FLACC1: variants seen among roughly 807,000 people sequenced by gnomAD.
FLACC1 encodes flagellum-associated coiled-coil domain-containing protein 1.
A neutral mutation model predicts 62.8 loss-of-function variants in FLACC1; 66 were observed. The observed-to-expected ratio is 1.05, with a 90% CI of 0.86 to 1.29. The LOEUF (loss-of-function observed/expected upper bound fraction) is 1.29, where lower values mean the gene tolerates loss of function less well. Ranked by LOEUF, FLACC1 falls within the 50% of genes most tolerant of loss-of-function variation. The pLI is 0.00. For synonymous variants in FLACC1, 156 were observed against 161.0 expected (o/e 0.97, Z 0.24); for missense variants, 452 against 489.1 (o/e 0.92, Z 0.71).
chr2:201,316,951 C>T (rs1442368000), intron 9 of FLACC1, among the ~76,000 whole-genome samples: 1 of 152,092 alleles, frequency 6.6e-6, no homozygotes, highest in Non-Finnish European at 1.5e-5. Context: ...ATAAAAATCA[C>T]ATGATCATTT....
chr2:201,289,785 C>A lies in FLACC1; in HGVS notation c.943G>T (p.Val315Phe). 1.2e-6 allele frequency: 2 copies of A among 1,614,132 alleles called. No individual in the cohort carries two copies. Among genetic ancestry groups the A allele is most frequent in the Non-Finnish European group, 1.7e-6 (2 of 1,180,002 alleles). The stretch of plus-strand genomic sequence containing the variant: ...TGTGCATGCAATTCTTCCTGCATGA[C>A]CTGCATAAGAAGAAGCTGTTGCAGG... Reference protein sequence around the residue: ...QLEELRKTKEVMQEELHAQAL... With the variant: ...QLEELRKTKEFMQEELHAQAL... The change falls in exon 13 of 15, where the codon GTC (valine) becomes TTC (phenylalanine). Residue 315 changes from valine (V) to phenylalanine (F), a missense_variant and splice_region_variant. Val to Phe is a conservative substitution (Grantham distance 50). This residue lies in a region of FLACC1 where 301 missense variants were observed against 318.4 expected (regional missense o/e 0.95). Coordinates refer to ENST00000392257, the MANE Select transcript of FLACC1 (RefSeq NM_001127391.3).
chr2:201,330,266 C>T (rs2125592601), intron 9 of FLACC1, among the ~76,000 whole-genome samples: 1 of 152,266 alleles, frequency 6.6e-6, no homozygotes. Context: ...CAGTAGTGCT[C>T]TTCAGGATTT....
In FLACC1 at chr2:201,288,279, ACACATC is replaced by A. The variant is rs1157543056; in HGVS notation, c.*370_*375del. ...AGAAAAATATTTTAGAGTAAAATCAACACATCATCTTTTTTTGCTACCTAAATGCCC... is the reference window on the plus strand; with the variant it reads ...AGAAAAATATTTTAGAGTAAAATCAAATCTTTTTTTGCTACCTAAATGCCC... On this transcript the variant is annotated 3_prime_UTR_variant, in exon 15 of 15. Coordinates refer to ENST00000392257, the MANE Select transcript of FLACC1 (RefSeq NM_001127391.3). 15 of 166,010 alleles carry A rather than the reference ACACATC, an allele frequency of 9.0e-5. No individual in the cohort carries two copies. Among genetic ancestry groups the A allele is most frequent in the Non-Finnish European group, 1.7e-4 (13 of 76,870 alleles). The allele number at this position is 166,010 out of a possible 1,614,324, so 10.3% of individuals were successfully genotyped here.
At chr2:201,352,000 T>C (rs997225883) in intron 1 of FLACC1, 2 of 152,230 alleles carry the variant, frequency 1.3e-5, no homozygotes, top group African/African-American at 4.8e-5. Flanking sequence ...TAAAATAAAA[T>C]TTGCCATAGC....
chr2:201,335,434 GCTAT>G (rs1449483846), intron 7 of FLACC1, among the ~76,000 whole-genome samples: 2 of 152,022 alleles, frequency 1.3e-5, no homozygotes, highest in Non-Finnish European at 2.9e-5. Context: ...TATTGAAAAG[GCTAT>G]CTTTTTTCCC....
At chr2:201,360,946 T>C (rs1256753767), upstream of FLACC1, among the ~76,000 whole-genome samples, 1 of 152,028 alleles carries the variant, frequency 6.6e-6, no homozygotes, top group Non-Finnish European at 1.5e-5. Context: ...GGTGTGGTGG[T>C]GCATGCTTGT....
intron 11 of FLACC1, among the ~76,000 whole-genome samples, chr2:201,300,413 C>T (rs939905212): frequency 6.6e-6 from 1 of 152,182 alleles, no homozygotes; most frequent in African/African-American, 2.4e-5. Flanking sequence ...AGTAGGTAAA[C>T]AAAGCGGCTG....
chr2:201,337,805 G>A (rs1329275429), intron 7 of FLACC1, among the ~76,000 whole-genome samples: 2 of 152,212 alleles, frequency 1.3e-5, no homozygotes, highest in African/African-American at 4.8e-5. Flanking sequence ...TTACAGGTGT[G>A]AGTCACCATG....
chr2:201,347,255 T>A (rs1950934375), intron 4 of FLACC1, among the ~76,000 whole-genome samples: 2 of 152,252 alleles, frequency 1.3e-5, no homozygotes, highest in African/African-American at 4.8e-5. Flanking sequence ...AGGGCAAGGC[T>A]GGGGCTCTGA....
intron 11 of FLACC1, among the ~76,000 whole-genome samples, chr2:201,301,059 C>A (rs1239110160): frequency 1.3e-5 from 2 of 152,142 alleles, no homozygotes; most frequent in African/African-American, 4.8e-5. Flanking sequence ...AGCAATGGAA[C>A]AAAGCTGGAC....
At position 201,294,532 on chromosome 2, in the gene FLACC1, A is replaced by C. The variant is rs113763334; in HGVS notation, c.942+4706T>G. On this transcript the variant is annotated intron_variant, in intron 12 of 14. Coordinates refer to ENST00000392257, the MANE Select transcript of FLACC1 (RefSeq NM_001127391.3). ...TGGTGGGACGAATCTCAAAATAATA[A>C]GAGCTATCTATGACAAACCCACAGC... 2.4e-3 allele frequency among the ~76,000 whole-genome samples: 359 copies of C among 152,360 alleles called. 1 individual carries two copies. Among genetic ancestry groups the C allele is most frequent in the African/African-American group, 8.1e-3 (336 of 41,584 alleles).
intron 4 of FLACC1, among the ~76,000 whole-genome samples, chr2:201,347,864 C>T (rs190652663): frequency 2.2e-3 from 331 of 152,312 alleles, no homozygotes; most frequent in Non-Finnish European, 3.9e-3. Flanking sequence ...CAGTGCCCTC[C>T]CGCCCCTGCT....
Position 201,326,791 on chromosome 2 carries a change from CA to C in FLACC1, c.675+3678del, listed in dbSNP as rs1481167637. On this transcript the variant is annotated intron_variant, in intron 9 of 14. Coordinates refer to ENST00000392257, the MANE Select transcript of FLACC1 (RefSeq NM_001127391.3). This position sits in a 1 kb window ranked among gnomAD's most constrained non-coding sequence, Gnocchi z 4.1. Reference sequence around the variant, plus strand: ...TCCAGTGCAATTCCCATCAAAATATCAACATTATTTTTCACAGAATTAGAAA... The same window carrying C: ...TCCAGTGCAATTCCCATCAAAATATCACATTATTTTTCACAGAATTAGAAA... Among the ~76,000 whole-genome samples, 1 of 152,094 alleles carries C rather than the reference CA, an allele frequency of 6.6e-6. No individual in the cohort carries two copies. The highest frequency in any genetic ancestry group is 6.6e-5 in the Admixed American group (1 of 15,262).
intron 12 of FLACC1, among the ~76,000 whole-genome samples, chr2:201,294,775 A>G (rs574870200): frequency 6.6e-6 from 1 of 152,308 alleles, no homozygotes; most frequent in South Asian, 2.1e-4. Context: ...AGAAAACCCC[A>G]TCATCTCTGC....
At chr2:201,304,486 C>T (rs572177993) in intron 11 of FLACC1, among the ~76,000 whole-genome samples, 6 of 152,184 alleles carry the variant, frequency 3.9e-5, no homozygotes, top group African/African-American at 9.6e-5. Context: ...GAATCAATAT[C>T]GTGAAAATGG....
intron 12 of FLACC1, 161 bp from the exon 13 acceptor site, chr2:201,289,946 C>T: frequency 8.0e-7 from 1 of 1,255,518 alleles, no homozygotes; most frequent in Non-Finnish European, 1.1e-6. Flanking sequence ...TCTGTCTCAC[C>T]CATCTATATC....
intron 5 of FLACC1, among the ~76,000 whole-genome samples, chr2:201,344,697 T>G (rs1193667894): frequency 6.6e-6 from 1 of 152,182 alleles, no homozygotes. Flanking sequence ...GAGATGGGAC[T>G]AAGAGGGTAT....
chr2:201,292,089 T>C (rs937735981), intron 12 of FLACC1, among the ~76,000 whole-genome samples: 1 of 152,174 alleles, frequency 6.6e-6, no homozygotes, highest in African/African-American at 2.4e-5. Context: ...GGAACCAAGT[T>C]GGAAAACACT....
intron 12 of FLACC1, among the ~76,000 whole-genome samples, chr2:201,295,887 A>G (rs1447432171): frequency 1.3e-5 from 2 of 152,264 alleles, no homozygotes; most frequent in Non-Finnish European, 2.9e-5. Flanking sequence ...GAAGACATTT[A>G]TGCAGCCAAA....
Sources: gnomAD v4.1 joint callset for allele counts (sites outside exome capture counted in the v4.1 genomes callset) on GRCh38, gnomAD v4.1.1 for gene constraint, gnomAD v4.1.1 regional missense constraint, Gnocchi (gnomAD v3.1) non-coding constraint, MANE v1.5 for transcripts, NCBI Gene and HGNC (gene_info 2026-07-23, HGNC 2026-07-21) for gene names.